Variants in SHPRH observed in about 807,000 individuals in gnomAD.
SHPRH encodes the protein SNF2 histone linker PHD RING helicase, also known as E3 ubiquitin-protein ligase SHPRH.
SHPRH carries 106 observed loss-of-function variants against 202.5 expected under a neutral mutation model. The observed-to-expected ratio is 0.52, with a 90% CI of 0.45 to 0.62. The LOEUF (loss-of-function observed/expected upper bound fraction) is 0.62. Among genes scored for constraint, SHPRH ranks in the 20% least tolerant of loss-of-function variants. The pLI is 0.00. For missense variants in SHPRH, 1,710 were observed against 2,020.0 expected, an observed-to-expected ratio of 0.85 and a Z score of 2.94; for synonymous variants, 729 against 686.0, an observed-to-expected ratio of 1.06 and a Z score of -0.98.
chr6:145,864,564 G>T, intron 2 of SHPRH: 1 of 191,932 alleles, frequency 5.2e-6, no homozygotes, highest in Non-Finnish European at 1.2e-5. Context: ...AAAGCCTCTT[G>T]GAAAGAGGCT....
At position 145,948,388 on chromosome 6, in the gene SHPRH, T is replaced by C. The variant is rs775151739; in HGVS notation, c.983-38A>G. Reference sequence around the variant, plus strand: ...ATAATCATAATAACAAATTTTTGTTTTCCCTTCAGTCAGATAATCACATTA... The same window carrying C: ...ATAATCATAATAACAAATTTTTGTTCTCCCTTCAGTCAGATAATCACATTA... On this transcript the variant is annotated intron_variant, in intron 4 of 29. Coordinates refer to ENST00000275233, the MANE Select transcript of SHPRH (RefSeq NM_001042683.3). 2.0e-6 allele frequency: 3 copies of C among 1,509,178 alleles called. No homozygotes were observed. The East Asian group carries it at 6.8e-5, about 34-fold the overall frequency. The allele number at this position is 1,509,178 out of a possible 1,614,324, so 93.5% of individuals were successfully genotyped here.
chr6:145,939,343 A>T (rs1421903078), intron 11 of SHPRH, among the ~76,000 whole-genome samples: 3 of 152,168 alleles, frequency 2.0e-5, no homozygotes, highest in Non-Finnish European at 2.9e-5. Context: ...AAACTTTTCA[A>T]ATGTGGTATT....
Position 145,941,791 on chromosome 6 carries a change from T to A in SHPRH, c.2322A>T (p.Val774=). The part of the protein sequence containing the change: ...EQDIVIITYD[V]LRSELNYVDI... ...CGACATAATTTAATTCTGAACGCAG[T>A]ACATCATAGGTAATGATAACTATAT... Residue 774 remains valine, a synonymous_variant, in exon 10 of 30, where the codon GTA becomes GTT. Transcript: ENST00000275233. The A allele has an allele frequency of 6.2e-7, 1 of 1,614,026 alleles. No homozygotes were observed. Among genetic ancestry groups the A allele is most frequent in the Non-Finnish European group, 8.5e-7 (1 of 1,179,964 alleles).
Position 145,935,200 on chromosome 6 carries a change from T to A in SHPRH, c.2734-37A>T, listed in dbSNP as rs752252170. 4.4e-6 allele frequency: 7 copies of A among 1,596,424 alleles called. No homozygotes were observed. The South Asian group carries it at 6.8e-5, about 16-fold the overall frequency. ...AGCAGAAAAAAAAAAAAAGATATCA[T>A]CTAAAAATTTATCTTTCCATCCCAA... On this transcript the variant is annotated intron_variant, in intron 12 of 29. Transcript: ENST00000275233.
At chr6:145,918,566 G>A (rs2128746301) in intron 22 of SHPRH, 2 of 156,978 alleles carry the variant, frequency 1.3e-5, no homozygotes, top group Middle Eastern at 6.3e-3. Context: ...TAAATGATCT[G>A]TTGCTCTGGC....
rs1562375314 is a variant in SHPRH, at chr6:145,955,104, A to C, written c.219T>G (p.Cys73Trp). The C allele has an allele frequency of 6.2e-7, 1 of 1,613,480 alleles. No homozygotes were observed. Among genetic ancestry groups the C allele is most frequent in the East Asian group, 2.2e-5 (1 of 44,886 alleles). The change falls in exon 2 of 30, where the codon TGT becomes TGG. Residue 73 changes from cysteine (C) to tryptophan (W), a missense_variant. By Grantham distance (215) the Cys-to-Trp change is radical. Around this residue, in one of 8 missense-constraint regions of SHPRH, gnomAD observed 459 missense variants for 426.5 expected, o/e 1.08. Coordinates refer to ENST00000275233, the MANE Select transcript of SHPRH (RefSeq NM_001042683.3). Reference sequence around the variant, plus strand: ...GTTTTGAGAAGCTCACCACTTTTGAACACCTCTTCTTATCTCTGTGAGCCA... The same window carrying C: ...GTTTTGAGAAGCTCACCACTTTTGACCACCTCTTCTTATCTCTGTGAGCCA... Reference protein sequence around the residue: ...EEVAHRDKKRCSKVVSFSKPI... With the variant: ...EEVAHRDKKRWSKVVSFSKPI...
chr6:145,923,797 G>A lies in SHPRH; in HGVS notation c.3403-12C>T. The A allele has an allele frequency of 3.1e-6, 5 of 1,605,816 alleles. No homozygotes were observed. Among genetic ancestry groups the A allele is most frequent in the Non-Finnish European group, 4.3e-6 (5 of 1,175,644 alleles). ...GAATTAGAATGAATCTGTAAAAAAG[G>A]TAGCAGTTAATCAATTAATACATTT... is the stretch of plus-strand genomic sequence containing the variant. On this transcript the variant is annotated splice_polypyrimidine_tract_variant and intron_variant, in intron 17 of 29. Coordinates refer to ENST00000275233, the MANE Select transcript of SHPRH (RefSeq NM_001042683.3).
intron 11 of SHPRH, among the ~76,000 whole-genome samples, chr6:145,938,906 C>T (rs1458469729): frequency 1.3e-5 from 2 of 152,060 alleles, no homozygotes; most frequent in Non-Finnish European, 2.9e-5. Flanking sequence ...AAGTAGATGA[C>T]ATTATTTCAG....
At chr6:145,945,284 TC>T in intron 8 of SHPRH, 96 bp downstream of exon 8, 2 of 1,370,846 alleles carry the variant, frequency 1.5e-6, no homozygotes, top group Non-Finnish European at 2.0e-6. Flanking sequence ...TATCTTCAGA[TC>T]GTAAGAGTTT....
At chr6:145,876,310 G>T (rs1225408518) in intron 2 of SHPRH, among the ~76,000 whole-genome samples, 2 of 152,104 alleles carry the variant, frequency 1.3e-5, no homozygotes, top group East Asian at 3.9e-4. Flanking sequence ...GGAGTTTCAG[G>T]CTGCAGTGAA....
At chr6:145,879,804 C>G (rs181650627) in intron 2 of SHPRH, among the ~76,000 whole-genome samples, 1 of 147,368 alleles carries the variant, frequency 6.8e-6, no homozygotes, top group African/African-American at 2.5e-5. Context: ...GCCAGCTACT[C>G]GGGAGGCTGA....
intron 2 of SHPRH, among the ~76,000 whole-genome samples, chr6:145,875,981 TA>T (rs1780283261): frequency 6.6e-6 from 1 of 152,232 alleles, no homozygotes; most frequent in South Asian, 2.1e-4. Context: ...TGTGCTACTT[TA>T]AAAATGTTTC....
intron 25 of SHPRH, chr6:145,906,938 C>T (rs1390413908): frequency 1.3e-5 from 2 of 152,278 alleles, no homozygotes; most frequent in African/African-American, 4.8e-5. Context: ...GCGTACCTGC[C>T]TGGATTGCCT....
intron 13 of SHPRH, 103 bp downstream of exon 13, chr6:145,934,804 A>G (rs1785891711): frequency 1.1e-5 from 12 of 1,118,306 alleles, no homozygotes; most frequent in East Asian, 2.4e-5. Flanking sequence ...ACCATTAAAG[A>G]TAACTGACAA....
intron 25 of SHPRH, among the ~76,000 whole-genome samples, chr6:145,899,861 C>T (rs1782343282): frequency 6.6e-6 from 1 of 151,858 alleles, no homozygotes; most frequent in South Asian, 2.1e-4. Context: ...AGATATTACT[C>T]AAAAGAAGAC....
rs1317745126 is a variant in SHPRH, at chr6:145,886,027, G to A, written c.*664C>T. On this transcript the variant is annotated 3_prime_UTR_variant, in exon 30 of 30. Coordinates refer to ENST00000275233, the MANE Select transcript of SHPRH (RefSeq NM_001042683.3). Reference sequence around the variant, plus strand: ...TAATACATTAAAAAATCTATTTGGAGTTAACTGTTTACACTAACACCACTT... The same window carrying A: ...TAATACATTAAAAAATCTATTTGGAATTAACTGTTTACACTAACACCACTT... The A allele has an allele frequency of 6.5e-6, 1 of 153,482 alleles. No homozygotes were observed. The highest frequency in any genetic ancestry group is 6.5e-5 in the Admixed American group (1 of 15,368). The allele number at this position is 153,482 out of a possible 1,614,324, so 9.5% of individuals were successfully genotyped here.
intron 6 of SHPRH, among the ~76,000 whole-genome samples, chr6:145,946,743 A>AT (rs68146934): frequency 2.3e-4 from 34 of 150,650 alleles, no homozygotes; most frequent in African/African-American, 5.1e-4. Flanking sequence ...CAAAAAAAAC[A>AT]TTTTTTTTTT....
At position 145,921,217 on chromosome 6, in the gene SHPRH, C is replaced by T. The variant is rs1278915546; in HGVS notation, c.3958G>A (p.Glu1320Lys). 2.5e-6 allele frequency: 4 copies of T among 1,612,718 alleles called. No individual in the cohort carries two copies. Among genetic ancestry groups the T allele is most frequent in the African/African-American group, 2.7e-5 (2 of 74,948 alleles). ...AAGAGATCCATTGAAGTGCTTCCTT[C>T]ATCAACAAATTCAACATCAAACCTA... Reference protein sequence around the residue: ...SHRFDVEFVDEGSTSMDLFEA... With the variant: ...SHRFDVEFVDKGSTSMDLFEA... Residue 1320 changes from glutamate to lysine, a missense_variant, in exon 21 of 30, where the codon GAA becomes AAA. Physicochemically the swap from Glu to Lys is moderately conservative, Grantham distance 56. Coordinates refer to ENST00000275233, the MANE Select transcript of SHPRH (RefSeq NM_001042683.3).
At chr6:145,858,283 T>A in the SHPRH span, among the ~76,000 whole-genome samples, 1 of 152,134 alleles carries the variant, frequency 6.6e-6, no homozygotes, top group Non-Finnish European at 1.5e-5. Flanking sequence ...GCCATTTTAT[T>A]TGTAATAGTC....
Sources: gnomAD v4.1 joint callset for allele counts (sites outside exome capture counted in the v4.1 genomes callset) on GRCh38, gnomAD v4.1.1 for gene constraint, gnomAD v4.1.1 regional missense constraint, MANE v1.5 for transcripts, NCBI Gene and HGNC (gene_info 2026-07-23, HGNC 2026-07-21) for gene names.